Variants in MYO18B observed in about 807,000 individuals in gnomAD.
MYO18B encodes myosin XVIIIB.
MYO18B carries 204 observed loss-of-function variants against 273.0 expected under a neutral mutation model. That is an observed-to-expected ratio of 0.75 (90% CI 0.67 to 0.84). The LOEUF (loss-of-function observed/expected upper bound fraction) is 0.84, where lower values mean the gene tolerates loss of function less well. Among genes scored for constraint, MYO18B ranks in the 40% least tolerant of loss-of-function variants. The probability of loss-of-function intolerance (pLI) is 0.00; values close to 1 mark genes in which losing one functional copy is unlikely to be tolerated. For synonymous variants in MYO18B, 1,330 were observed against 1,305.7 expected (o/e 1.02, Z -0.40); for missense variants, 3,212 against 3,287.6 (o/e 0.98, Z 0.56).
At chr22:25,841,628 G>C (rs2090084475) in intron 17 of MYO18B, among the ~76,000 whole-genome samples, 1 of 152,200 alleles carries the variant, frequency 6.6e-6, no homozygotes, top group Non-Finnish European at 1.5e-5. Context: ...TTACCAGCCA[G>C]AGTGAAATCA....
At chr22:25,799,930 T>C (rs2088112789) in intron 12 of MYO18B, among the ~76,000 whole-genome samples, 1 of 150,998 alleles carries the variant, frequency 6.6e-6, no homozygotes, top group Non-Finnish European at 1.5e-5. Context: ...CCAATCTAAG[T>C]GCCCATCCAC....
At chr22:25,777,088 A>G (rs2086943602) in intron 7 of MYO18B, among the ~76,000 whole-genome samples, 1 of 152,236 alleles carries the variant, frequency 6.6e-6, no homozygotes, top group Non-Finnish European at 1.5e-5. Context: ...TACTGAATGA[A>G]GTATGAATGA....
chr22:25,789,167 T>C (rs2087542745), intron 11 of MYO18B, among the ~76,000 whole-genome samples: 1 of 148,720 alleles, frequency 6.7e-6, no homozygotes, highest in Non-Finnish European at 1.5e-5. Context: ...GATGGCAGCA[T>C]TGGGCAAGTT....
At chr22:25,841,431 G>A (rs2090079429) in intron 17 of MYO18B, among the ~76,000 whole-genome samples, 1 of 152,208 alleles carries the variant, frequency 6.6e-6, no homozygotes, top group South Asian at 2.1e-4. Context: ...CTGGAAGCTG[G>A]GTACTGTTTT....
chr22:25,871,472 G>A (rs1017653956), intron 22 of MYO18B, among the ~76,000 whole-genome samples: 2 of 152,144 alleles, frequency 1.3e-5, no homozygotes, highest in African/African-American at 2.4e-5. Flanking sequence ...ATTCCTTGGC[G>A]GTACCAGATA....
At chr22:26,043,074 CCAAG>C in the MYO18B span, among the ~76,000 whole-genome samples, 1 of 152,186 alleles carries the variant, frequency 6.6e-6, no homozygotes, top group Non-Finnish European at 1.5e-5. Context: ...CCCTCCTCCC[CCAAG>C]CAACCACTGC....
the MYO18B span, among the ~76,000 whole-genome samples, chr22:26,055,630 T>C: frequency 6.6e-6 from 1 of 152,226 alleles, no homozygotes; most frequent in Non-Finnish European, 1.5e-5. Context: ...TTCTGGTTTA[T>C]CATGAGGCAA....
downstream of MYO18B, among the ~76,000 whole-genome samples, chr22:26,034,025 T>C (rs530706151): frequency 2.0e-5 from 3 of 152,180 alleles, no homozygotes; most frequent in South Asian, 6.2e-4. Flanking sequence ...TGATCTTGGC[T>C]CTCTGCAACC....
At chr22:25,917,449 C>G (rs542048977) in intron 33 of MYO18B, among the ~76,000 whole-genome samples, 1 of 152,028 alleles carries the variant, frequency 6.6e-6, no homozygotes, top group East Asian at 1.9e-4. Flanking sequence ...GTCTTTCTTT[C>G]TCCATGAATA....
intron 33 of MYO18B, among the ~76,000 whole-genome samples, chr22:25,915,227 A>C (rs1162554009): frequency 1.3e-5 from 2 of 152,164 alleles, no homozygotes; most frequent in Non-Finnish European, 2.9e-5. Flanking sequence ...TGATAATTAC[A>C]GTGATGGATT....
chr22:26,027,309 C>G lies in MYO18B; in HGVS notation c.7335C>G (p.Leu2445=), dbSNP rs1936329707. The G allele has an allele frequency of 6.2e-7, 1 of 1,613,898 alleles. No homozygotes were observed. The highest frequency in any genetic ancestry group is 1.1e-5 in the South Asian group (1 of 91,088). ...RKTKVDFDDF[L]PAIRKPQTPT... ...CCAAAGTGGACTTCGATGACTTCCTCCCAGCTATCCGGAAGCCCCAGACAC... is the reference window on the plus strand; with the variant it reads ...CCAAAGTGGACTTCGATGACTTCCTGCCAGCTATCCGGAAGCCCCAGACAC... The change falls in exon 43 of 44, where the codon CTC becomes CTG. Residue 2445 remains leucine, a synonymous_variant. Transcript: ENST00000335473. The surrounding 1 kb of genome is among the most constrained non-coding windows in gnomAD (Gnocchi z 4.1).
the MYO18B span, among the ~76,000 whole-genome samples, chr22:26,062,164 A>G: frequency 6.6e-6 from 1 of 152,108 alleles, no homozygotes. Flanking sequence ...TCTTCTGGTG[A>G]CAGTATAACT....
intron 21 of MYO18B, among the ~76,000 whole-genome samples, chr22:25,867,852 C>T (rs531260902): frequency 1.2e-4 from 19 of 152,202 alleles, no homozygotes; most frequent in South Asian, 6.2e-4. Flanking sequence ...AGGATGGTCT[C>T]GATCTCCTGA....
Position 26,027,156 on chromosome 22 carries a change from G to A in MYO18B, c.7182G>A (p.Ala2394=), listed in dbSNP as rs370193459. 66 of 1,613,910 alleles carry A rather than the reference G, an allele frequency of 4.1e-5. No individual in the cohort carries two copies. The highest frequency in any genetic ancestry group is 4.9e-5 in the Non-Finnish European group (58 of 1,179,870). ...GTCTGGAGTCCTCTGTGGACGATGC[G>A]GGCTGTCCAGACCTTGGAAAGGAGC... The part of the protein sequence containing the change: ...RRCLESSVDD[A]GCPDLGKEPL... The change falls in exon 43 of 44, where the codon GCG becomes GCA. Residue 2394 remains alanine (A), a synonymous_variant. Transcript: ENST00000335473. The surrounding 1 kb of genome is among the most constrained non-coding windows in gnomAD (Gnocchi z 4.1).
chr22:25,762,991 C>T (rs1046676097), intron 2 of MYO18B: 3 of 684,872 alleles, frequency 4.4e-6, no homozygotes, highest in Non-Finnish European at 8.3e-6. Flanking sequence ...TGGATCCAGG[C>T]AGAAATCACA....
chr22:25,849,444 A>G (rs899693508), intron 20 of MYO18B, among the ~76,000 whole-genome samples: 9 of 152,130 alleles, frequency 5.9e-5, no homozygotes, highest in African/African-American at 2.2e-4. Context: ...GATACGTCAA[A>G]TATTTATTAT....
chr22:25,743,922 G>T (rs1331184712), intron 1 of MYO18B, among the ~76,000 whole-genome samples: 2 of 152,196 alleles, frequency 1.3e-5, no homozygotes, highest in African/African-American at 4.8e-5. Context: ...GGAGGCGGGG[G>T]GCTGTTTTAA....
chr22:25,843,913 G>T lies in MYO18B; in HGVS notation c.3368+19G>T. ...CAAAAAGGTGAGTTGGGTCAGGGTT[G>T]GGGACGGGGATGGAGCATTGGAGGC... On this transcript the variant is annotated intron_variant, in intron 18 of 43. Coordinates refer to ENST00000335473, the MANE Select transcript of MYO18B (RefSeq NM_032608.7). 6.3e-7 allele frequency: 1 copy of T among 1,592,422 alleles called. No individual in the cohort carries two copies. The highest frequency in any genetic ancestry group is 8.6e-7 in the Non-Finnish European group (1 of 1,162,698).
downstream of MYO18B, among the ~76,000 whole-genome samples, chr22:26,034,310 A>C (rs1403047483): frequency 3.3e-5 from 5 of 152,216 alleles, no homozygotes; most frequent in Non-Finnish European, 7.3e-5. Context: ...TGGGATATCA[A>C]CATGGCCTGG....
Sources: gnomAD v4.1 joint callset for allele counts (sites outside exome capture counted in the v4.1 genomes callset) on GRCh38, gnomAD v4.1.1 for gene constraint, Gnocchi (gnomAD v3.1) non-coding constraint, MANE v1.5 for transcripts, NCBI Gene and HGNC (gene_info 2026-07-23, HGNC 2026-07-21) for gene names.